The following PRICKLE1 variants were observed in gnomAD, a reference collection of about 807,000 sequenced individuals.
The protein encoded by PRICKLE1 is prickle-like protein 1.
A neutral mutation model predicts 70.2 loss-of-function variants in PRICKLE1; 14 were observed. That is an observed-to-expected ratio of 0.20 (90% CI 0.13 to 0.31). The LOEUF (loss-of-function observed/expected upper bound fraction) is 0.31, where lower values mean the gene tolerates loss of function less well. PRICKLE1 is among the 10% of genes least tolerant of loss of function. The pLI, the probability that PRICKLE1 is intolerant of heterozygous loss-of-function variation, is 1.00. For missense variants in PRICKLE1, 821 were observed against 1,026.2 expected (o/e 0.80, Z 2.73); for synonymous variants, 357 against 379.9 (o/e 0.94, Z 0.70).
chr12:42,566,445 A>G (rs1940622211), intron 1 of PRICKLE1, among the ~76,000 whole-genome samples: 1 of 152,188 alleles, frequency 6.6e-6, no homozygotes, highest in South Asian at 2.1e-4. Context: ...TGTGAGACAG[A>G]GAGTACTCCA....
intron 1 of PRICKLE1, among the ~76,000 whole-genome samples, chr12:42,558,883 A>G (rs1165978575): frequency 6.6e-6 from 1 of 152,326 alleles, no homozygotes; most frequent in Non-Finnish European, 1.5e-5. Context: ...TAGTCAATCA[A>G]ATAGCAAACA....
At chr12:42,567,259 C>T (rs925575258) in intron 1 of PRICKLE1, among the ~76,000 whole-genome samples, 4 of 152,064 alleles carry the variant, frequency 2.6e-5, no homozygotes, top group Non-Finnish European at 5.9e-5. Context: ...ATACTCTTTT[C>T]AATGATCTCT....
At chr12:42,506,266 T>C (rs1474748405) in intron 1 of PRICKLE1, among the ~76,000 whole-genome samples, 1 of 147,386 alleles carries the variant, frequency 6.8e-6, no homozygotes, top group Admixed American at 6.8e-5. Flanking sequence ...TTTCTTTTTT[T>C]TTTTTTTTGA....
At chr12:42,535,962 G>A (rs1940011643) in intron 1 of PRICKLE1, among the ~76,000 whole-genome samples, 1 of 152,134 alleles carries the variant, frequency 6.6e-6, no homozygotes, top group South Asian at 2.1e-4. Flanking sequence ...ACTCTAGAGG[G>A]CAAAGGAAGG....
intron 6 of PRICKLE1, chr12:42,465,968 C>G (rs1938080621): frequency 3.3e-6 from 2 of 598,856 alleles, no homozygotes; most frequent in Non-Finnish European, 5.9e-6. Flanking sequence ...GTTCACTAAT[C>G]CAGTGTTTGC....
chr12:42,545,460 G>A (rs755549511), intron 1 of PRICKLE1, among the ~76,000 whole-genome samples: 1 of 152,256 alleles, frequency 6.6e-6, no homozygotes, highest in Non-Finnish European at 1.5e-5. Context: ...CAGAATGGAA[G>A]AGAAATACAT....
chr12:42,475,400 A>G (rs1179958695), intron 1 of PRICKLE1, among the ~76,000 whole-genome samples: 1 of 152,206 alleles, frequency 6.6e-6, no homozygotes, highest in Non-Finnish European at 1.5e-5. Flanking sequence ...CAGATGGGGA[A>G]ACTGGGCCTC....
Position 42,464,489 on chromosome 12 carries a change from C to T in PRICKLE1, c.1545G>A (p.Gln515=). The T allele has an allele frequency of 1.2e-6, 2 of 1,614,078 alleles. No homozygotes were observed. The highest frequency in any genetic ancestry group is 2.2e-5 in the East Asian group (1 of 44,858). Residue 515 remains glutamine, a synonymous_variant, in exon 7 of 8, where the codon CAG becomes CAA. Transcript: ENST00000345127. This position sits in a 1 kb window ranked among gnomAD's most constrained non-coding sequence, Gnocchi z 4.2. ...GACACTCCAGGGAATCTTCATACCACTGTGTTTCATCATGATTATACCCTG... is the reference window on the plus strand; with the variant it reads ...GACACTCCAGGGAATCTTCATACCATTGTGTTTCATCATGATTATACCCTG... The part of the protein sequence containing the change: ...GASGYNHDET[Q]WYEDSLECLS...
intron 1 of PRICKLE1, among the ~76,000 whole-genome samples, chr12:42,536,821 C>T (rs958287183): frequency 1.3e-5 from 2 of 152,120 alleles, no homozygotes; most frequent in African/African-American, 4.8e-5. Flanking sequence ...AAGAGCTTTT[C>T]TTCACTTGGT....
At chr12:42,563,997 G>A (rs1021869881) in intron 1 of PRICKLE1, among the ~76,000 whole-genome samples, 2 of 151,844 alleles carry the variant, frequency 1.3e-5, no homozygotes, top group Non-Finnish European at 2.9e-5. Flanking sequence ...AGTGGTTCAC[G>A]CTTGTAACCC....
intron 1 of PRICKLE1, among the ~76,000 whole-genome samples, chr12:42,579,853 A>T (rs1220393150): frequency 2.7e-5 from 4 of 147,888 alleles, no homozygotes; most frequent in Admixed American, 6.8e-5. Context: ...TATTATTATT[A>T]TTTTTTTGAG....
rs34675637 is a variant in PRICKLE1 at position 42,530,680 on chromosome 12, ATTTTTTTTTTT to A, written c.-48-58127_-48-58117del. ...AAAAGTCAGTGTATTTTATCAAATAATTTTTTTTTTTTTTTTTTTTTTTGAGCAGAGTCTCA... is the reference window on the plus strand; with the variant it reads ...AAAAGTCAGTGTATTTTATCAAATAATTTTTTTTTTTTGAGCAGAGTCTCA... On this transcript the variant is annotated intron_variant, in intron 1 of 7. Coordinates refer to ENST00000345127, the MANE Select transcript of PRICKLE1 (RefSeq NM_153026.3). 1.4e-4 allele frequency among the ~76,000 whole-genome samples: 14 copies of A among 97,116 alleles called. No homozygotes were observed. The South Asian group carries it at 2.3e-3, about 16-fold the overall frequency. The allele number at this position is 97,116 out of a possible 152,430, so 63.7% of individuals were successfully genotyped here.
intron 1 of PRICKLE1, among the ~76,000 whole-genome samples, chr12:42,499,705 G>A (rs1040327416): frequency 6.7e-6 from 1 of 150,270 alleles, no homozygotes; most frequent in African/African-American, 2.5e-5. Flanking sequence ...ACAGGTATGA[G>A]CCACCGTGTC....
At chr12:42,497,199 G>A (rs34767522) in intron 1 of PRICKLE1, among the ~76,000 whole-genome samples, 13,387 of 152,174 alleles carry the variant, frequency 0.088, 856 homozygotes, top group African/African-American at 0.18. Context: ...AAGCCAAGGA[G>A]GAGGAGAAAG....
At chr12:42,461,362 C>T (rs1454043827) in intron 7 of PRICKLE1, among the ~76,000 whole-genome samples, 1 of 152,254 alleles carries the variant, frequency 6.6e-6, no homozygotes, top group Non-Finnish European at 1.5e-5. Flanking sequence ...AGATCTTTCA[C>T]ATCAGTCCCT....
intron 1 of PRICKLE1, among the ~76,000 whole-genome samples, chr12:42,524,462 G>A (rs1483853422): frequency 2.0e-5 from 3 of 152,190 alleles, no homozygotes; most frequent in Admixed American, 2.0e-4. Context: ...CACCCAGGCT[G>A]GAGTGCAGTG....
intron 2 of PRICKLE1, among the ~76,000 whole-genome samples, chr12:42,471,530 C>A (rs1410669470): frequency 2.0e-5 from 3 of 152,170 alleles, no homozygotes; most frequent in Admixed American, 6.5e-5. Context: ...GCTCTAGAAG[C>A]TTTTTACAGT....
In PRICKLE1 at chr12:42,494,890, C is replaced by CT. The variant is rs751252071; in HGVS notation, c.-48-22327dup. On this transcript the variant is annotated intron_variant, in intron 1 of 7. Transcript: ENST00000345127. ...CAATTCAGTCACATCTTCAGGTTTA[C>CT]TTTTTTTTTTTTTTTTTAATTTTTA... Among the ~76,000 whole-genome samples the CT allele has an allele frequency of 8.6e-3, 1,129 of 131,034 alleles. 11 individuals carry two copies. Among genetic ancestry groups the CT allele is most frequent in the African/African-American group, 0.026 (930 of 35,924 alleles). The allele number at this position is 131,034 out of a possible 152,430, so 86.0% of individuals were successfully genotyped here. A position where few individuals can be genotyped will look rare whatever the true frequency, so the allele number is the denominator to read the frequency against.
At chr12:42,562,878 T>G (rs988717421) in intron 1 of PRICKLE1, among the ~76,000 whole-genome samples, 8 of 152,312 alleles carry the variant, frequency 5.3e-5, no homozygotes, top group Non-Finnish European at 5.9e-5. Flanking sequence ...TTTGGCAGAT[T>G]TAATTTAAAA....
Sources: allele counts gnomAD v4.1 joint callset (sites outside exome capture counted in the v4.1 genomes callset), GRCh38; gene constraint gnomAD v4.1.1; non-coding constraint Gnocchi (gnomAD v3.1); transcripts MANE v1.5; gene names NCBI Gene and HGNC (gene_info 2026-07-23, HGNC 2026-07-21).